CECR2: variants seen among roughly 807,000 people sequenced by gnomAD.
CECR2 encodes the protein chromatin remodeling regulator CECR2.
A neutral mutation model predicts 154.5 loss-of-function variants in CECR2; 30 were observed. The observed-to-expected ratio is 0.19, with a 90% confidence interval of 0.15 to 0.26. The LOEUF is 0.26. CECR2 is among the 10% of genes least tolerant of loss of function. The probability of loss-of-function intolerance (pLI) is 1.00; values close to 1 mark genes in which losing one functional copy is unlikely to be tolerated. For synonymous variants in CECR2, 725 were observed against 683.7 expected (o/e 1.06, Z -0.94); for missense variants, 1,743 against 1,829.3 (o/e 0.95, Z 0.86).
chr22:17,381,137 C>T (rs1276977908), intron 1 of CECR2, among the ~76,000 whole-genome samples: 1 of 152,098 alleles, frequency 6.6e-6, no homozygotes, highest in Non-Finnish European at 1.5e-5. Context: ...AAAAATTTCA[C>T]CTGTTGTCAT....
At chr22:17,461,588 A>G (rs958545968) in intron 1 of CECR2, among the ~76,000 whole-genome samples, 1 of 152,132 alleles carries the variant, frequency 6.6e-6, no homozygotes, top group Admixed American at 6.5e-5. Flanking sequence ...TATCCAGGTA[A>G]AAGCAATTAG....
intron 2 of CECR2, among the ~76,000 whole-genome samples, chr22:17,493,741 G>A (rs1474196356): frequency 2.0e-5 from 3 of 152,250 alleles, no homozygotes; most frequent in Non-Finnish European, 4.4e-5. Context: ...CTTCCAGACA[G>A]ACTGTTGTCT....
chr22:17,506,500 C>T (rs1463163231), intron 7 of CECR2, among the ~76,000 whole-genome samples: 1 of 152,210 alleles, frequency 6.6e-6, no homozygotes, highest in Non-Finnish European at 1.5e-5. Context: ...CGTCCATGAA[C>T]TGTCCTTGTT....
intron 9 of CECR2, among the ~76,000 whole-genome samples, chr22:17,533,773 A>G (rs193008639): frequency 1.1e-3 from 163 of 151,340 alleles, no homozygotes; most frequent in African/African-American, 3.9e-3. Flanking sequence ...CTGGAGTGCA[A>G]TGGTGTGATC....
chr22:17,364,425 T>C (rs2062991542), intron 1 of CECR2, among the ~76,000 whole-genome samples: 1 of 151,142 alleles, frequency 6.6e-6, no homozygotes, highest in Non-Finnish European at 1.5e-5. Context: ...ATAATGTTTA[T>C]ACTACACTCT....
At chr22:17,421,330 G>C (rs927123535) in intron 1 of CECR2, among the ~76,000 whole-genome samples, 22 of 151,048 alleles carry the variant, frequency 1.5e-4, no homozygotes, top group African/African-American at 5.4e-4. Flanking sequence ...AATTAGCCAG[G>C]CAAGGCCGGG....
chr22:17,470,900 CTT>C (rs1365226116), intron 1 of CECR2, among the ~76,000 whole-genome samples: 1 of 152,154 alleles, frequency 6.6e-6, no homozygotes. Flanking sequence ...GTTCAAAAGT[CTT>C]TGGTGACTCC....
chr22:17,494,843 C>T (rs1010559514), intron 2 of CECR2, among the ~76,000 whole-genome samples: 5 of 152,010 alleles, frequency 3.3e-5, no homozygotes, highest in Admixed American at 2.6e-4. Context: ...TACAGGCACA[C>T]GCCACCACGC....
At chr22:17,388,777 ACT>A (rs2063294526) in intron 1 of CECR2, among the ~76,000 whole-genome samples, 1 of 151,834 alleles carries the variant, frequency 6.6e-6, no homozygotes, top group African/African-American at 2.4e-5. Flanking sequence ...CTCTACTGTA[ACT>A]CTGGGTTGGG....
intron 1 of CECR2, among the ~76,000 whole-genome samples, chr22:17,363,886 C>A (rs2062988651): frequency 6.6e-6 from 1 of 152,188 alleles, no homozygotes; most frequent in African/African-American, 2.4e-5. Flanking sequence ...CCACCCACTG[C>A]AGCCTCTCAA....
intron 1 of CECR2, among the ~76,000 whole-genome samples, chr22:17,434,100 T>TTGTTAAATAAG (rs372547601): frequency 0.08 from 12,132 of 152,184 alleles, 1,030 homozygotes; most frequent in African/African-American, 0.22. Flanking sequence ...ATAACGTATT[T>TTGTTAAATAAG]CACTTACTTA....
In CECR2 at chr22:17,387,832, C is replaced by T. The variant is rs551218427; in HGVS notation, c.126+17923C>T. ...TGGGTTATCTGTAGTTGTTTACTATCATGACAACCAAGAACCAGAACAATT... is the reference window on the plus strand; with the variant it reads ...TGGGTTATCTGTAGTTGTTTACTATTATGACAACCAAGAACCAGAACAATT... On this transcript the variant is annotated intron_variant, in intron 1 of 18. Coordinates refer to ENST00000262608, the MANE Select transcript of CECR2 (RefSeq NM_001290047.2). 6.0e-4 allele frequency among the ~76,000 whole-genome samples: 92 copies of T among 152,228 alleles called. 1 individual carries two copies. The highest frequency in any genetic ancestry group is 4.4e-3 in the South Asian group (21 of 4,820).
intron 8 of CECR2, among the ~76,000 whole-genome samples, chr22:17,516,211 A>G (rs59889330): frequency 0.063 from 9,518 of 152,132 alleles, 720 homozygotes; most frequent in African/African-American, 0.18. Flanking sequence ...ATAGAGATAT[A>G]TATATATGGA....
At chr22:17,402,311 A>G (rs1278292192) in intron 1 of CECR2, among the ~76,000 whole-genome samples, 1 of 152,216 alleles carries the variant, frequency 6.6e-6, no homozygotes, top group East Asian at 1.9e-4. Flanking sequence ...AAAAAAATAA[A>G]TTTACTTTAG....
chr22:17,520,301 AT>A (rs967197073), intron 8 of CECR2, among the ~76,000 whole-genome samples: 2 of 152,196 alleles, frequency 1.3e-5, no homozygotes, highest in African/African-American at 4.8e-5. Context: ...CATGTTTGAT[AT>A]ATAGATATAC....
intron 6 of CECR2, among the ~76,000 whole-genome samples, chr22:17,503,478 CT>C (rs761136046): frequency 6.6e-6 from 1 of 152,196 alleles, no homozygotes; most frequent in Non-Finnish European, 1.5e-5. Context: ...TTACTACATA[CT>C]GGTTTCCTAC....
At chr22:17,536,623 G>A (rs2056441493) in intron 9 of CECR2, among the ~76,000 whole-genome samples, 1 of 152,216 alleles carries the variant, frequency 6.6e-6, no homozygotes, top group Non-Finnish European at 1.5e-5. Context: ...ACGCAGAACG[G>A]CAAGAGCTGG....
intron 1 of CECR2, among the ~76,000 whole-genome samples, chr22:17,435,139 T>C (rs1224166065): frequency 6.6e-6 from 1 of 152,066 alleles, no homozygotes; most frequent in Non-Finnish European, 1.5e-5. Context: ...TCAGACTTGA[T>C]TTTTCAAGCA....
At chr22:17,524,505 G>T (rs2056221275) in intron 9 of CECR2, among the ~76,000 whole-genome samples, 1 of 133,322 alleles carries the variant, frequency 7.5e-6, no homozygotes, top group East Asian at 2.1e-4. Flanking sequence ...CCATTCTCCT[G>T]CCTCAGCCTC....
Sources: allele counts gnomAD v4.1 joint callset (sites outside exome capture counted in the v4.1 genomes callset), GRCh38; gene constraint gnomAD v4.1.1; transcripts MANE v1.5; gene names NCBI Gene and HGNC (gene_info 2026-07-23, HGNC 2026-07-21).